PHACTR3: variants seen among roughly 807,000 people sequenced by gnomAD.
The protein encoded by PHACTR3 is phosphatase and actin regulator 3, also known as protein phosphatase 1, regulatory subunit 123.
PHACTR3 carries 16 observed loss-of-function variants against 66.8 expected under a neutral mutation model. The ratio of observed to expected loss-of-function variants is 0.24; its 90% CI spans 0.16 to 0.36. The LOEUF is 0.36. Among genes scored for constraint, PHACTR3 ranks in the 10% least tolerant of loss-of-function variants. The pLI, the probability that PHACTR3 is intolerant of heterozygous loss-of-function variation, is 1.00. For missense variants in PHACTR3, 647 were observed against 719.9 expected (o/e 0.90, Z 1.16); for synonymous variants, 323 against 292.1 (o/e 1.11, Z -1.08).
At chr20:59,810,742 C>T (rs1453657044) in intron 8 of PHACTR3, among the ~76,000 whole-genome samples, 3 of 152,192 alleles carry the variant, frequency 2.0e-5, no homozygotes, top group Non-Finnish European at 4.4e-5. Context: ...GTCTGGGACC[C>T]CCAGGAAAGT....
chr20:59,659,922 G>A (rs1369865900), intron 1 of PHACTR3, among the ~76,000 whole-genome samples: 1 of 152,142 alleles, frequency 6.6e-6, no homozygotes, highest in African/African-American at 2.4e-5. Context: ...TGCTCCCTCT[G>A]CCCTGCTACT....
intron 8 of PHACTR3, among the ~76,000 whole-genome samples, chr20:59,807,749 A>G (rs2041614640): frequency 6.6e-6 from 1 of 152,196 alleles, no homozygotes; most frequent in South Asian, 2.1e-4. Context: ...GGAATTTTAC[A>G]GCTCCATTTT....
rs529559588 is a variant in PHACTR3, at chr20:59,757,895, G to A, written c.541+2531G>A. Among the ~76,000 whole-genome samples the A allele has an allele frequency of 4.6e-5, 7 of 152,300 alleles. No individual in the cohort carries two copies. In the South Asian group the frequency reaches 6.2e-4, roughly 14 times the overall value. On this transcript the variant is annotated intron_variant, in intron 4 of 12. Transcript: ENST00000371015. ...TGAGGCGGGAGGATAGCCTGAGCCC[G>A]GGAGGTCAAGGCTGCAGTGAGCTGT...
rs1002805887 is a variant in PHACTR3, at chr20:59,605,033, G to T, written c.19G>T (p.Gly7Trp). The T allele has an allele frequency of 3.7e-6, 5 of 1,355,156 alleles. No homozygotes were observed. Among genetic ancestry groups the T allele is most frequent in the South Asian group, 1.9e-5 (1 of 53,856 alleles). The allele number at this position is 1,355,156 out of a possible 1,614,324, so 83.9% of individuals were successfully genotyped here. The change falls in exon 1 of 13, where the codon GGG (glycine) becomes TGG (tryptophan). Residue 7 changes from glycine (G) to tryptophan (W), a missense_variant. Physicochemically the swap from Gly to Trp is radical, Grantham distance 184. Around this residue, in one of 2 missense-constraint regions of PHACTR3, gnomAD observed 577 missense variants for 571.1 expected, o/e 1.01. Transcript: ENST00000371015. MAASED[G>W]SGCLVSRGRS... ...CGGGCCCATGGCCGCGTCGGAGGAC[G>T]GGAGCGGCTGCCTCGTGTCGCGGGG... is the stretch of plus-strand genomic sequence containing the variant.
chr20:59,668,870 T>TTTTTATTTTA (rs76833383), intron 1 of PHACTR3, among the ~76,000 whole-genome samples: 6,080 of 138,620 alleles, frequency 0.044, 232 homozygotes, highest in African/African-American at 0.083. Context: ...ACAGCTAATT[T>TTTTTATTTTA]TTTTATTTTA....
rs4812126 is a variant in PHACTR3, at chr20:59,662,476, C to A, written c.118+57344C>A. On this transcript the variant is annotated intron_variant, in intron 1 of 12. Coordinates refer to ENST00000371015, the MANE Select transcript of PHACTR3 (RefSeq NM_080672.5). ...GCAGGAGAGAGCAGGATGTATGGACCAACGAAAGGCCCATGAGTCTGGAAG... is the reference window on the plus strand; with the variant it reads ...GCAGGAGAGAGCAGGATGTATGGACAAACGAAAGGCCCATGAGTCTGGAAG... Among the ~76,000 whole-genome samples, 442 of 152,114 alleles carry A rather than the reference C, an allele frequency of 2.9e-3. 3 individuals are homozygous for A. Among genetic ancestry groups the A allele is most frequent in the Middle Eastern group, 0.027 (8 of 294 alleles).
chr20:59,779,523 G>T lies in PHACTR3; in HGVS notation c.1174+5033G>T, dbSNP rs76239752. On this transcript the variant is annotated intron_variant, in intron 7 of 12. Transcript: ENST00000371015. The stretch of plus-strand genomic sequence containing the variant: ...ATACATTGTTTTCACATCTCCATGG[G>T]GTGAAAGCAGAAAGCACCAGGCAGC... Among the ~76,000 whole-genome samples, 1,232 of 152,224 alleles carry T rather than the reference G, an allele frequency of 8.1e-3. 17 individuals carry two copies. The highest frequency in any genetic ancestry group is 0.029 in the African/African-American group (1,188 of 41,506).
chr20:59,842,150 G>A (rs2059075551), intron 11 of PHACTR3, among the ~76,000 whole-genome samples: 1 of 152,182 alleles, frequency 6.6e-6, no homozygotes, highest in Non-Finnish European at 1.5e-5. Context: ...TAGAGTCTCT[G>A]CATGACATTT....
chr20:59,702,497 C>A (rs547694559), intron 1 of PHACTR3, among the ~76,000 whole-genome samples: 1 of 152,226 alleles, frequency 6.6e-6, no homozygotes, highest in South Asian at 2.1e-4. Flanking sequence ...TTGCATGCTG[C>A]CAAGCAAATG....
chr20:59,582,868 T>C (rs565225811), intron 1 of PHACTR3, among the ~76,000 whole-genome samples: 1 of 152,182 alleles, frequency 6.6e-6, no homozygotes, highest in Non-Finnish European at 1.5e-5. Context: ...GTCTTTTCAC[T>C]TTGTTTATGG....
At position 59,608,361 on chromosome 20, in the gene PHACTR3, A is replaced by G. The variant is rs116298283; in HGVS notation, c.118+3229A>G. 6.7e-3 allele frequency among the ~76,000 whole-genome samples: 1,016 copies of G among 152,282 alleles called. 21 individuals are homozygous for G. Among genetic ancestry groups the G allele is most frequent in the African/African-American group, 0.023 (952 of 41,560 alleles). On this transcript the variant is annotated intron_variant, in intron 1 of 12. Coordinates refer to ENST00000371015, the MANE Select transcript of PHACTR3 (RefSeq NM_080672.5). Reference sequence around the variant, plus strand: ...GTATCTACACAATGTGCCTCTCTATAAATCCGCACTCTACACCCGTGAGCA... The same window carrying G: ...GTATCTACACAATGTGCCTCTCTATGAATCCGCACTCTACACCCGTGAGCA...
At chr20:59,745,206 G>T (rs547897123) in intron 2 of PHACTR3, among the ~76,000 whole-genome samples, 13 of 152,220 alleles carry the variant, frequency 8.5e-5, no homozygotes, top group Non-Finnish European at 1.9e-4. Context: ...CCTCGAAAAG[G>T]CAGCGAGCTG....
intron 3 of PHACTR3, among the ~76,000 whole-genome samples, chr20:59,754,347 G>A (rs573708902): frequency 2.0e-5 from 3 of 152,188 alleles, no homozygotes; most frequent in Non-Finnish European, 2.9e-5. Flanking sequence ...TTCTGGGAAG[G>A]CTGCCTGTCA....
chr20:59,699,354 A>G (rs981026721), intron 1 of PHACTR3, among the ~76,000 whole-genome samples: 11 of 152,156 alleles, frequency 7.2e-5, no homozygotes, highest in African/African-American at 2.7e-4. Flanking sequence ...TTCATCCTTG[A>G]GGAATATGCT....
intron 1 of PHACTR3, among the ~76,000 whole-genome samples, chr20:59,727,812 T>A (rs2038621040): frequency 6.6e-6 from 1 of 152,200 alleles, no homozygotes; most frequent in Admixed American, 6.5e-5. Flanking sequence ...CAACTGGTAA[T>A]GCAAATATTC....
At chr20:59,784,803 T>C (rs2040847895) in intron 7 of PHACTR3, among the ~76,000 whole-genome samples, 1 of 152,168 alleles carries the variant, frequency 6.6e-6, no homozygotes, top group South Asian at 2.1e-4. Context: ...ACCTGCCTTA[T>C]AGGGCTGCGG....
intron 7 of PHACTR3, among the ~76,000 whole-genome samples, chr20:59,786,140 G>A (rs1373110976): frequency 6.6e-6 from 1 of 152,200 alleles, no homozygotes; most frequent in Non-Finnish European, 1.5e-5. Flanking sequence ...GCCTGGGGCT[G>A]GGATCCTCCC....
intron 1 of PHACTR3, among the ~76,000 whole-genome samples, chr20:59,689,054 C>G (rs954095188): frequency 1.3e-5 from 2 of 152,126 alleles, no homozygotes; most frequent in African/African-American, 4.8e-5. Context: ...CATTCTTTCT[C>G]TAGATACCCA....
intron 1 of PHACTR3, among the ~76,000 whole-genome samples, chr20:59,720,428 G>A (rs1431126779): frequency 6.6e-6 from 1 of 152,176 alleles, no homozygotes; most frequent in Non-Finnish European, 1.5e-5. Context: ...CATACTGGGG[G>A]GGCACTTGCT....
Sources: allele counts gnomAD v4.1 joint callset (sites outside exome capture counted in the v4.1 genomes callset), GRCh38; gene constraint gnomAD v4.1.1; regional missense constraint gnomAD v4.1.1; transcripts MANE v1.5; gene names NCBI Gene and HGNC (gene_info 2026-07-23, HGNC 2026-07-21).